EPHA5: variants seen among roughly 807,000 people sequenced by gnomAD.
The protein encoded by EPHA5 is EPH receptor A5.
In EPHA5, 60 loss-of-function variants were observed where a neutral mutation model predicts 105.0. The ratio of observed to expected loss-of-function variants is 0.57; its 90% confidence interval spans 0.46 to 0.71. The LOEUF (loss-of-function observed/expected upper bound fraction) is 0.71, where lower values mean the gene tolerates loss of function less well. Ranked by LOEUF, EPHA5 falls within the 30% of genes least tolerant of loss-of-function variation. EPHA5 has a pLI of 0.00. For synonymous variants in EPHA5, 513 were observed against 449.1 expected (o/e 1.14, Z -1.80); for missense variants, 1,218 against 1,274.7 (o/e 0.96, Z 0.68).
At chr4:65,627,115 T>A (rs950737302) in intron 2 of EPHA5, among the ~76,000 whole-genome samples, 3 of 152,202 alleles carry the variant, frequency 2.0e-5, no homozygotes, top group South Asian at 4.1e-4. Context: ...GAAAAGCAAT[T>A]CTTAGGCAGT....
chr4:65,569,819 A>G (rs1739933741), intron 3 of EPHA5, among the ~76,000 whole-genome samples: 1 of 151,710 alleles, frequency 6.6e-6, no homozygotes, highest in African/African-American at 2.4e-5. Flanking sequence ...GCCTAAAACA[A>G]TGATTCCCAA....
chr4:65,537,409 A>G (rs1427354075), intron 3 of EPHA5, among the ~76,000 whole-genome samples: 3 of 151,818 alleles, frequency 2.0e-5, no homozygotes, highest in Non-Finnish European at 4.4e-5. Context: ...CTAATGTGGC[A>G]CTAATCCCTG....
intron 3 of EPHA5, among the ~76,000 whole-genome samples, chr4:65,504,090 G>A (rs577874887): frequency 6.6e-6 from 1 of 151,002 alleles, no homozygotes; most frequent in East Asian, 1.9e-4. Context: ...AAATTGATTA[G>A]GATTATCAAT....
intron 3 of EPHA5, among the ~76,000 whole-genome samples, chr4:65,557,019 A>G (rs62300402): frequency 0.22 from 32,935 of 151,562 alleles, 4,431 homozygotes; most frequent in Middle Eastern, 0.36. Context: ...GGACAATTAC[A>G]GGACTCACTT....
At chr4:65,589,601 A>G (rs1043568596) in intron 3 of EPHA5, among the ~76,000 whole-genome samples, 11 of 152,194 alleles carry the variant, frequency 7.2e-5, no homozygotes, top group Admixed American at 7.2e-4. Flanking sequence ...CAGTTAAGCA[A>G]ACCGGTGTTG....
intron 16 of EPHA5, among the ~76,000 whole-genome samples, chr4:65,329,006 AATTG>A (rs1720346847): frequency 6.6e-6 from 1 of 151,200 alleles, no homozygotes; most frequent in Non-Finnish European, 1.5e-5. Flanking sequence ...ATAATATTTA[AATTG>A]ATTGGATTTT....
chr4:65,546,085 A>C (rs796784378), intron 3 of EPHA5, among the ~76,000 whole-genome samples: 2 of 151,960 alleles, frequency 1.3e-5, no homozygotes, highest in East Asian at 3.9e-4. Flanking sequence ...GCTGTATTTG[A>C]CACATGTGCT....
intron 5 of EPHA5, among the ~76,000 whole-genome samples, chr4:65,471,906 C>T (rs963687037): frequency 2.0e-5 from 3 of 152,140 alleles, no homozygotes; most frequent in Admixed American, 1.3e-4. Context: ...AATGTCCTCA[C>T]TTTTCAAAAC....
At chr4:65,468,815 C>A (rs140717240) in intron 5 of EPHA5, among the ~76,000 whole-genome samples, 1 of 151,042 alleles carries the variant, frequency 6.6e-6, no homozygotes, top group Admixed American at 6.6e-5. Context: ...CAAAATTACA[C>A]AAAAATACTG....
intron 2 of EPHA5, among the ~76,000 whole-genome samples, chr4:65,620,413 A>G (rs530742557): frequency 1.8e-4 from 28 of 152,194 alleles, no homozygotes; most frequent in Non-Finnish European, 2.4e-4. Context: ...CTTAACACCA[A>G]TCCAATAAAT....
rs554433800 is a variant in EPHA5 at position 65,531,941 on chromosome 4, T to A, written c.911-36398A>T. On this transcript the variant is annotated intron_variant, in intron 3 of 16. Coordinates refer to ENST00000613740, the MANE Select transcript of EPHA5 (RefSeq NM_001281766.3). ...AGCCTATCTCAAAAGACTGTTGTAT[T>A]AAATAAGGCCATGTGTATACGAGGC... Among the ~76,000 whole-genome samples the A allele has an allele frequency of 5.6e-4, 86 of 152,326 alleles. 1 individual carries two copies. Among genetic ancestry groups the A allele is most frequent in the Admixed American group, 9.1e-4 (14 of 15,304 alleles).
intron 5 of EPHA5, among the ~76,000 whole-genome samples, chr4:65,458,775 A>G (rs1257381872): frequency 1.3e-5 from 2 of 152,126 alleles, no homozygotes; most frequent in Non-Finnish European, 2.9e-5. Context: ...AATAGAAACA[A>G]GCCTACAGTA....
intron 3 of EPHA5, among the ~76,000 whole-genome samples, chr4:65,529,770 C>T (rs1442589178): frequency 6.6e-6 from 1 of 152,018 alleles, no homozygotes; most frequent in Admixed American, 6.6e-5. Flanking sequence ...CTAGGTAGAA[C>T]TCAATACATT....
intron 8 of EPHA5, among the ~76,000 whole-genome samples, chr4:65,403,034 C>A (rs959889869): frequency 7.2e-5 from 11 of 152,092 alleles, no homozygotes; most frequent in African/African-American, 2.7e-4. Context: ...GCTAGAAATT[C>A]TAAAAACGCG....
intron 5 of EPHA5, among the ~76,000 whole-genome samples, chr4:65,471,711 T>C (rs909195209): frequency 1.3e-5 from 2 of 152,104 alleles, no homozygotes; most frequent in South Asian, 4.1e-4. Context: ...ACATATCTCA[T>C]GATAGATTTT....
At chr4:65,635,886 T>A (rs190124208) in intron 2 of EPHA5, among the ~76,000 whole-genome samples, 2 of 152,054 alleles carry the variant, frequency 1.3e-5, no homozygotes, top group Non-Finnish European at 2.9e-5. Context: ...AATAATGAGA[T>A]TGATAGCTTA....
chr4:65,533,250 A>C (rs1241194063), intron 3 of EPHA5, among the ~76,000 whole-genome samples: 1 of 152,150 alleles, frequency 6.6e-6, no homozygotes, highest in African/African-American at 2.4e-5. Context: ...AAATTAATTT[A>C]ATTATTATAC....
intron 3 of EPHA5, among the ~76,000 whole-genome samples, chr4:65,595,098 A>T (rs1195801274): frequency 6.6e-6 from 1 of 150,714 alleles, no homozygotes; most frequent in Non-Finnish European, 1.5e-5. Flanking sequence ...TGTTTCCCAT[A>T]CTTTTCACAG....
intron 8 of EPHA5, among the ~76,000 whole-genome samples, chr4:65,388,275 C>G (rs1253607773): frequency 6.6e-6 from 1 of 151,536 alleles, no homozygotes; most frequent in Non-Finnish European, 1.5e-5. Flanking sequence ...CCACAATAAA[C>G]ATACGTGTGC....
Sources: gnomAD v4.1 joint callset for allele counts (sites outside exome capture counted in the v4.1 genomes callset) on GRCh38, gnomAD v4.1.1 for gene constraint, MANE v1.5 for transcripts, NCBI Gene and HGNC (gene_info 2026-07-23, HGNC 2026-07-21) for gene names.